Variants in TMEM230 observed in about 807,000 individuals in gnomAD.
TMEM230 encodes transmembrane protein 230, also known as UPF0414 transmembrane protein C20orf30.
TMEM230 carries 10 observed loss-of-function variants against 15.8 expected under a neutral mutation model. That is an observed-to-expected ratio of 0.63 (90% CI 0.39 to 1.07). TMEM230 has a LOEUF of 1.07. Among genes scored for constraint, TMEM230 ranks in the 50% least tolerant of loss-of-function variants. TMEM230 has a pLI of 0.01. For missense variants in TMEM230, 165 were observed against 193.3 expected (o/e 0.85, Z 0.87); for synonymous variants, 67 against 76.9 (o/e 0.87, Z 0.68).
chr20:5,084,259 T>G (rs2089266979), intron 3 of TMEM230, among the ~76,000 whole-genome samples: 1 of 151,458 alleles, frequency 6.6e-6, no homozygotes, highest in South Asian at 2.1e-4. Context: ...AGTCTTGCTC[T>G]CTCACCCAGG....
At chr20:5,111,827 A>C (rs1030227312) in intron 1 of TMEM230, 1 of 972,548 alleles carries the variant, frequency 1.0e-6, no homozygotes, top group Non-Finnish European at 1.2e-6. Flanking sequence ...AAAAAATAAC[A>C]AATTGTTTTT....
chr20:5,059,254 C>A, the TMEM230 span, among the ~76,000 whole-genome samples: 1 of 151,818 alleles, frequency 6.6e-6, no homozygotes, highest in Non-Finnish European at 1.5e-5. Context: ...CTTCCACCTC[C>A]CAGCCTCTGT....
At chr20:5,109,470 G>A (rs767689674) in intron 2 of TMEM230, 25 bp from the exon 2 acceptor site, 17 of 1,553,588 alleles carry the variant, frequency 1.1e-5, no homozygotes, top group South Asian at 3.4e-5. Context: ...CAAAAAACCC[G>A]TTATTGTCTG....
At chr20:5,063,784 C>CA (rs11386129), downstream of TMEM230, among the ~76,000 whole-genome samples, 6,268 of 147,728 alleles carry the variant, frequency 0.042, 425 homozygotes, top group African/African-American at 0.15. Flanking sequence ...AACAAAAATC[C>CA]AAAAAATTAT....
downstream of TMEM230, among the ~76,000 whole-genome samples, chr20:5,066,773 G>C (rs928665395): frequency 6.6e-6 from 1 of 151,946 alleles, no homozygotes; most frequent in African/African-American, 2.4e-5. Context: ...CTGTCCCTTG[G>C]GTCAGACAGA....
intron 4 of TMEM230, among the ~76,000 whole-genome samples, chr20:5,104,400 T>C (rs2089988828): frequency 6.6e-6 from 1 of 152,158 alleles, no homozygotes. Context: ...TAACGAATGC[T>C]AGCGAGGACG....
downstream of TMEM230, among the ~76,000 whole-genome samples, chr20:5,099,146 GTGCCAC>G (rs940936824): frequency 1.3e-4 from 19 of 151,658 alleles, no homozygotes; most frequent in Non-Finnish European, 2.2e-4. Flanking sequence ...AGAAATGACT[GTGCCAC>G]TGCACTCCAG....
At chr20:5,104,745 T>C (rs930901002) in intron 4 of TMEM230, among the ~76,000 whole-genome samples, 1 of 152,152 alleles carries the variant, frequency 6.6e-6, no homozygotes, top group Non-Finnish European at 1.5e-5. Flanking sequence ...CTGGAGAACG[T>C]TATGTTAAGT....
chr20:5,072,381 G>A (rs115319971), intron 3 of TMEM230, among the ~76,000 whole-genome samples: 369 of 152,252 alleles, frequency 2.4e-3, no homozygotes, highest in African/African-American at 8.6e-3. Flanking sequence ...AGTTCTTGGC[G>A]AGTTTGCAGG....
intron 3 of TMEM230, among the ~76,000 whole-genome samples, chr20:5,077,820 C>T (rs1462253734): frequency 6.7e-6 from 1 of 149,770 alleles, no homozygotes; most frequent in Non-Finnish European, 1.5e-5. Context: ...GGCAAGAGAG[C>T]AAGACTCAAC....
chr20:5,068,918 C>T, exon 4 of TMEM230: 2 of 372,666 alleles, frequency 5.4e-6, no homozygotes, highest in East Asian at 5.9e-5. Context: ...AATCCTCCTA[C>T]CCTCAGGAAC....
intron 4 of TMEM230, among the ~76,000 whole-genome samples, chr20:5,102,471 G>A (rs779865965): frequency 6.6e-6 from 1 of 151,916 alleles, no homozygotes; most frequent in African/African-American, 2.4e-5. Context: ...CAGGCAGATC[G>A]CTTGAGCTCA....
intron 3 of TMEM230, among the ~76,000 whole-genome samples, chr20:5,081,921 T>C (rs1309041100): frequency 1.3e-5 from 2 of 149,182 alleles, no homozygotes; most frequent in Non-Finnish European, 2.9e-5. Context: ...TCACCCAGGC[T>C]GGAGTGCAGT....
chr20:5,072,414 GATGGT>G (rs1378122006), intron 3 of TMEM230, among the ~76,000 whole-genome samples: 1 of 152,124 alleles, frequency 6.6e-6, no homozygotes, highest in Non-Finnish European at 1.5e-5. Flanking sequence ...TGTCCATGGT[GATGGT>G]TCCAGGGAAG....
chr20:5,070,985 T>C (rs1261412089), intron 3 of TMEM230, among the ~76,000 whole-genome samples: 1 of 152,168 alleles, frequency 6.6e-6, no homozygotes, highest in Non-Finnish European at 1.5e-5. Context: ...AGAAGATGTA[T>C]AGAATCTTCT....
At chr20:5,097,780 G>A (rs1272964525), downstream of TMEM230, among the ~76,000 whole-genome samples, 1 of 151,570 alleles carries the variant, frequency 6.6e-6, no homozygotes, top group Non-Finnish European at 1.5e-5. Context: ...GGATATAGGT[G>A]CCCGCCACCA....
chr20:5,071,652 T>C (rs940490462), intron 3 of TMEM230, among the ~76,000 whole-genome samples: 1 of 147,598 alleles, frequency 6.8e-6, no homozygotes, highest in South Asian at 2.1e-4. Context: ...AAAGGGTACA[T>C]AGATTTATAG....
chr20:5,062,769 T>A, the TMEM230 span, among the ~76,000 whole-genome samples: 18 of 151,776 alleles, frequency 1.2e-4, no homozygotes, highest in African/African-American at 4.1e-4. Context: ...TCATAAATAA[T>A]AAATAAATAA....
intron 4 of TMEM230, among the ~76,000 whole-genome samples, chr20:5,105,394 C>T (rs551803997): frequency 1.6e-4 from 24 of 152,188 alleles, no homozygotes; most frequent in African/African-American, 4.6e-4. Context: ...TTTGGGAGGC[C>T]AGCCTGGGCA....
Sources: allele counts gnomAD v4.1 joint callset (sites outside exome capture counted in the v4.1 genomes callset), GRCh38; gene constraint gnomAD v4.1.1; transcripts MANE v1.5; gene names NCBI Gene and HGNC (gene_info 2026-07-23, HGNC 2026-07-21).